WDR72: variants seen among roughly 807,000 people sequenced by gnomAD.
The protein encoded by WDR72 is WD repeat domain 72.
Under a neutral mutation model 124.2 loss-of-function variants are expected in WDR72, and 120 were observed. That is an observed-to-expected ratio of 0.97 (90% CI 0.83 to 1.12). The LOEUF (loss-of-function observed/expected upper bound fraction) is 1.12, where lower values mean the gene tolerates loss of function less well. Among genes scored for constraint, WDR72 ranks in the 50% most tolerant of loss-of-function variants. WDR72 has a pLI of 0.00. For missense variants in WDR72, 1,387 were observed against 1,278.8 expected, an observed-to-expected ratio of 1.08 and a Z score of -1.29; for synonymous variants, 452 against 441.7, an observed-to-expected ratio of 1.02 and a Z score of -0.29.
intron 18 of WDR72, among the ~76,000 whole-genome samples, chr15:53,553,556 A>C (rs1893820279): frequency 6.6e-6 from 1 of 152,132 alleles, no homozygotes. Context: ...AAACCTAAAC[A>C]TTGGTCAAGG....
At chr15:53,538,745 C>G (rs1209718531) in intron 18 of WDR72, among the ~76,000 whole-genome samples, 2 of 152,020 alleles carry the variant, frequency 1.3e-5, no homozygotes, top group African/African-American at 2.4e-5. Context: ...TACTGCTACC[C>G]GCCCTGGCTC....
chr15:53,593,227 G>A (rs1383971796), intron 18 of WDR72, among the ~76,000 whole-genome samples: 1 of 151,976 alleles, frequency 6.6e-6, no homozygotes, highest in Non-Finnish European at 1.5e-5. Flanking sequence ...TGATTTATGA[G>A]AAAAGAATAA....
chr15:53,684,015 T>C (rs1440126831), intron 13 of WDR72: 2 of 152,054 alleles, frequency 1.3e-5, no homozygotes, highest in African/African-American at 4.8e-5. Flanking sequence ...AAAATGCATA[T>C]AATAAAGGAT....
In WDR72 at chr15:53,711,282, C is replaced by T. The variant is rs570660117; in HGVS notation, c.857+54G>A. On this transcript the variant is annotated intron_variant, in intron 8 of 19. Transcript: ENST00000360509. Reference sequence around the variant, plus strand: ...CAGGGATTTTTCCATAATAAACCTCCCAAAGTTCATTTTCTACCTGAATGT... The same window carrying T: ...CAGGGATTTTTCCATAATAAACCTCTCAAAGTTCATTTTCTACCTGAATGT... 5.0e-6 allele frequency: 8 copies of T among 1,613,258 alleles called. No individual in the cohort carries two copies. In the African/African-American group the frequency reaches 1.1e-4, roughly 22 times the overall value.
Position 53,609,528 on chromosome 15 carries a change from T to A in WDR72, c.2937A>T (p.Arg979Ser). The A allele has an allele frequency of 6.2e-7, 1 of 1,613,476 alleles. No individual in the cohort carries two copies. Among genetic ancestry groups the A allele is most frequent in the Non-Finnish European group, 8.5e-7 (1 of 1,179,624 alleles). ...LSLLKLISCW[R>S]DQSVQVTEAI... ...TATATCATACCTGCACAGACTGGTC[T>A]CTCCAACAGGAAATTAGCTTCAAAA... Residue 979 changes from arginine (R) to serine (S), a missense_variant, in exon 17 of 20, where the codon AGA becomes AGT. Physicochemically the swap from Arg to Ser is moderately radical, Grantham distance 110. Transcript: ENST00000360509.
chr15:53,705,516 G>A (rs1055602502), intron 10 of WDR72, among the ~76,000 whole-genome samples: 2 of 152,090 alleles, frequency 1.3e-5, no homozygotes, highest in Admixed American at 6.6e-5. Context: ...AGGCTGGAGT[G>A]CAGTGGCATG....
chr15:53,759,753 C>A, upstream of WDR72: 1 of 151,316 alleles, frequency 6.6e-6, no homozygotes, highest in South Asian at 2.0e-4. Context: ...CCTGCCCCCG[C>A]AGCGCGCGGA....
At chr15:53,715,742 T>C (rs940534551) in intron 4 of WDR72, among the ~76,000 whole-genome samples, 8 of 152,166 alleles carry the variant, frequency 5.3e-5, no homozygotes, top group Non-Finnish European at 1.2e-4. Flanking sequence ...GGAAGACCAC[T>C]TGAGGCCAGG....
intron 18 of WDR72, among the ~76,000 whole-genome samples, chr15:53,583,510 C>T (rs1036975603): frequency 6.6e-6 from 1 of 151,988 alleles, no homozygotes; most frequent in Admixed American, 6.6e-5. Context: ...ACACAAACCA[C>T]TATGGTGTCT....
In WDR72 at chr15:53,705,132, C is replaced by T; in HGVS notation, c.1204G>A (p.Ala402Thr). The T allele has an allele frequency of 6.2e-7, 1 of 1,614,074 alleles. No homozygotes were observed. Residue 402 changes from alanine to threonine, a missense_variant, in exon 11 of 20, where the codon GCA becomes ACA. Transcript: ENST00000360509. ...GATGAAGTGACTACAGCAGTTCCTG[C>T]CCCATCTTTAAGCCCAGAGAAATAG... ...IDYFSGLKDGAGTAVVTSSEY... is the reference protein window; with the variant it reads ...IDYFSGLKDGTGTAVVTSSEY...
chr15:53,752,840 T>C (rs1373606609), intron 1 of WDR72, among the ~76,000 whole-genome samples: 1 of 152,176 alleles, frequency 6.6e-6, no homozygotes, highest in East Asian at 1.9e-4. Context: ...CTTTGTGTAA[T>C]AAATCTCCTT....
At chr15:53,637,604 G>C (rs1260544828) in intron 14 of WDR72, among the ~76,000 whole-genome samples, 2 of 152,078 alleles carry the variant, frequency 1.3e-5, no homozygotes, top group East Asian at 3.9e-4. Context: ...TCCTTCATGT[G>C]GTCACATTTC....
chr15:53,673,927 G>T (rs2016077770), intron 13 of WDR72, among the ~76,000 whole-genome samples: 1 of 151,964 alleles, frequency 6.6e-6, no homozygotes, highest in Admixed American at 6.6e-5. Context: ...GGAGGCGGAG[G>T]TTTCAGTGAC....
At chr15:53,661,075 TGAA>T (rs1180239194) in intron 14 of WDR72, among the ~76,000 whole-genome samples, 1 of 152,164 alleles carries the variant, frequency 6.6e-6, no homozygotes, top group African/African-American at 2.4e-5. Context: ...CCACCCTTGT[TGAA>T]GAATTGTCTA....
chr15:53,525,454 T>C (rs1892061046), intron 18 of WDR72, among the ~76,000 whole-genome samples: 1 of 152,080 alleles, frequency 6.6e-6, no homozygotes, highest in Admixed American at 6.6e-5. Context: ...AATTCCTCCA[T>C]TCATTCATTT....
chr15:53,655,600 C>A (rs529370805), intron 14 of WDR72, among the ~76,000 whole-genome samples: 3 of 152,280 alleles, frequency 2.0e-5, no homozygotes, highest in Admixed American at 6.5e-5. Flanking sequence ...AAAACATCTG[C>A]TACCAGAGAA....
chr15:53,622,190 G>A (rs2014022969), intron 14 of WDR72, among the ~76,000 whole-genome samples: 1 of 152,156 alleles, frequency 6.6e-6, no homozygotes. Context: ...ATGTAAATTA[G>A]TTCAACCACT....
intron 1 of WDR72, among the ~76,000 whole-genome samples, chr15:53,748,223 C>T (rs866710685): frequency 6.6e-6 from 1 of 152,060 alleles, no homozygotes; most frequent in African/African-American, 2.4e-5. Flanking sequence ...AATTGTTTTG[C>T]GTGTGTATAA....
chr15:53,593,916 G>A (rs1013937395), intron 18 of WDR72, among the ~76,000 whole-genome samples: 5 of 151,912 alleles, frequency 3.3e-5, no homozygotes, highest in Admixed American at 6.6e-5. Flanking sequence ...CTAGTATGAT[G>A]GGAATCTCTT....
Sources: allele counts gnomAD v4.1 joint callset (sites outside exome capture counted in the v4.1 genomes callset), GRCh38; gene constraint gnomAD v4.1.1; transcripts MANE v1.5; gene names NCBI Gene and HGNC (gene_info 2026-07-23, HGNC 2026-07-21).